DIAPH3: variants seen among roughly 807,000 people sequenced by gnomAD.
DIAPH3 encodes the protein protein diaphanous homolog 3.
In DIAPH3, 117 loss-of-function variants were observed where a neutral mutation model predicts 144.3. That is an observed-to-expected ratio of 0.81 (90% CI 0.70 to 0.95). The LOEUF (loss-of-function observed/expected upper bound fraction) is 0.95. Ranked by LOEUF, DIAPH3 falls within the 40% of genes least tolerant of loss-of-function variation. The pLI, the probability that DIAPH3 is intolerant of heterozygous loss-of-function variation, is 0.00. For synonymous variants in DIAPH3, 519 were observed against 488.9 expected, an observed-to-expected ratio of 1.06 and a Z score of -0.81; for missense variants, 1,421 against 1,412.7, an observed-to-expected ratio of 1.01 and a Z score of -0.09.
At chr13:59,810,658 T>C (rs754729214) in intron 25 of DIAPH3, 130 bp downstream of exon 25, 38 of 997,810 alleles carry the variant, frequency 3.8e-5, no homozygotes, top group Non-Finnish European at 5.6e-5. Context: ...GAAAGAATTG[T>C]TCTATGGTTT....
chr13:59,767,261 G>C (rs969048985), intron 27 of DIAPH3, among the ~76,000 whole-genome samples: 2 of 152,094 alleles, frequency 1.3e-5, no homozygotes, highest in African/African-American at 2.4e-5. Context: ...GATTCACCAA[G>C]AATTTGACAT....
At chr13:59,979,183 T>C (rs1446536512) in intron 14 of DIAPH3, among the ~76,000 whole-genome samples, 2 of 151,680 alleles carry the variant, frequency 1.3e-5, no homozygotes. Context: ...GTCTTTCTTC[T>C]ATTTATATAT....
intron 21 of DIAPH3, among the ~76,000 whole-genome samples, chr13:59,875,746 A>G (rs1458619980): frequency 6.6e-6 from 1 of 152,176 alleles, no homozygotes; most frequent in Non-Finnish European, 1.5e-5. Context: ...TTAATCATAA[A>G]TTCAGTTATG....
chr13:60,004,497 G>A (rs574333638), intron 9 of DIAPH3, among the ~76,000 whole-genome samples: 1 of 152,250 alleles, frequency 6.6e-6, no homozygotes, highest in Non-Finnish European at 1.5e-5. Context: ...CCTGCTACCT[G>A]CTAGCTATTT....
chr13:59,991,695 T>C (rs1299353598), intron 11 of DIAPH3, among the ~76,000 whole-genome samples: 1 of 151,868 alleles, frequency 6.6e-6, no homozygotes, highest in East Asian at 1.9e-4. Context: ...ACCCACAGAT[T>C]AACATGCGAC....
At chr13:59,993,163 C>T (rs1594259220) in intron 9 of DIAPH3, among the ~76,000 whole-genome samples, 1 of 151,862 alleles carries the variant, frequency 6.6e-6, no homozygotes, top group Non-Finnish European at 1.5e-5. Context: ...ATGTTTTAAC[C>T]AGAAATAAAT....
intron 25 of DIAPH3, among the ~76,000 whole-genome samples, chr13:59,776,166 G>A (rs2038403479): frequency 6.6e-6 from 1 of 152,146 alleles, no homozygotes; most frequent in Non-Finnish European, 1.5e-5. Flanking sequence ...AAAAGTGAAT[G>A]CAGTAGAATA....
At chr13:60,144,390 A>C (rs1259978284) in intron 1 of DIAPH3, among the ~76,000 whole-genome samples, 1 of 152,108 alleles carries the variant, frequency 6.6e-6, no homozygotes, top group Non-Finnish European at 1.5e-5. Flanking sequence ...TCATCAAGAA[A>C]TCTCCAAAGA....
chr13:60,136,200 C>T (rs1010424852), intron 1 of DIAPH3, among the ~76,000 whole-genome samples: 1 of 152,044 alleles, frequency 6.6e-6, no homozygotes, highest in Non-Finnish European at 1.5e-5. Context: ...TTAGAAAAAA[C>T]TTTGTAACAC....
chr13:59,867,270 T>C (rs939297214), intron 21 of DIAPH3, among the ~76,000 whole-genome samples: 14 of 151,220 alleles, frequency 9.3e-5, no homozygotes, highest in Admixed American at 6.6e-4. Flanking sequence ...CGCTCCGGCA[T>C]AGATGACAGA....
intron 20 of DIAPH3, among the ~76,000 whole-genome samples, chr13:59,908,933 A>T (rs1446520275): frequency 6.6e-6 from 1 of 152,160 alleles, no homozygotes; most frequent in African/African-American, 2.4e-5. Context: ...CAAACTCTTG[A>T]CTTTTTCTTA....
At chr13:59,962,130 A>C (rs915636453) in intron 17 of DIAPH3, among the ~76,000 whole-genome samples, 3 of 152,184 alleles carry the variant, frequency 2.0e-5, no homozygotes, top group African/African-American at 7.2e-5. Flanking sequence ...GGCAGCAGTT[A>C]AGCTGAGGCT....
intron 25 of DIAPH3, among the ~76,000 whole-genome samples, chr13:59,798,091 C>A (rs899046339): frequency 1.3e-5 from 2 of 152,154 alleles, no homozygotes; most frequent in African/African-American, 2.4e-5. Context: ...TCCCCACACC[C>A]AATCCACTAG....
chr13:60,088,762 C>G (rs1178474125), intron 4 of DIAPH3, among the ~76,000 whole-genome samples: 1 of 152,122 alleles, frequency 6.6e-6, no homozygotes, highest in Non-Finnish European at 1.5e-5. Flanking sequence ...GCTGGGATTA[C>G]AGGCCTGTGC....
At chr13:59,922,377 C>A (rs1261588077) in intron 18 of DIAPH3, among the ~76,000 whole-genome samples, 3 of 152,012 alleles carry the variant, frequency 2.0e-5, no homozygotes, top group African/African-American at 7.2e-5. Flanking sequence ...TATAGGAAAC[C>A]AAAACCACTT....
chr13:59,875,486 T>C (rs949847219), intron 21 of DIAPH3, among the ~76,000 whole-genome samples: 4 of 151,902 alleles, frequency 2.6e-5, no homozygotes, highest in African/African-American at 4.8e-5. Context: ...AATACATATT[T>C]TGGGGGAGAG....
At chr13:59,953,268 G>T (rs1488117128) in intron 17 of DIAPH3, among the ~76,000 whole-genome samples, 2 of 152,138 alleles carry the variant, frequency 1.3e-5, no homozygotes, top group African/African-American at 4.8e-5. Flanking sequence ...CATGAAGGTT[G>T]CCCAGTATGG....
intron 17 of DIAPH3, among the ~76,000 whole-genome samples, chr13:59,926,171 A>G (rs1297813803): frequency 4.0e-5 from 6 of 151,606 alleles, no homozygotes; most frequent in African/African-American, 1.2e-4. Flanking sequence ...TATTTTTCAT[A>G]GAGACAGAGC....
intron 27 of DIAPH3, among the ~76,000 whole-genome samples, chr13:59,744,533 A>T (rs1213002421): frequency 7.2e-6 from 1 of 138,876 alleles, no homozygotes; most frequent in Admixed American, 7.1e-5. Flanking sequence ...TTTTTTTTTT[A>T]GCTCATCAGC....
Sources: gnomAD v4.1 joint callset for allele counts (sites outside exome capture counted in the v4.1 genomes callset) on GRCh38, gnomAD v4.1.1 for gene constraint, MANE v1.5 for transcripts, NCBI Gene and HGNC (gene_info 2026-07-23, HGNC 2026-07-21) for gene names.